SYT14: variants seen among roughly 807,000 people sequenced by gnomAD.
SYT14 encodes synaptotagmin-14.
A neutral mutation model predicts 74.2 loss-of-function variants in SYT14; 32 were observed. The observed-to-expected ratio is 0.43, with a 90% CI of 0.33 to 0.58. The LOEUF is 0.58. Ranked by LOEUF, SYT14 falls within the 20% of genes least tolerant of loss-of-function variation. SYT14 has a pLI of 0.05. For synonymous variants in SYT14, 298 were observed against 337.7 expected (o/e 0.88, Z 1.29); for missense variants, 791 against 981.8 (o/e 0.81, Z 2.60).
chr1:209,993,718 T>G (rs1345289151), intron 2 of SYT14, among the ~76,000 whole-genome samples: 1 of 151,638 alleles, frequency 6.6e-6, no homozygotes, highest in Non-Finnish European at 1.5e-5. Context: ...TGGAGGGAGC[T>G]CCCCCAAGTG....
At chr1:210,002,258 C>A (rs1028458546) in intron 2 of SYT14, among the ~76,000 whole-genome samples, 3 of 152,018 alleles carry the variant, frequency 2.0e-5, no homozygotes, top group African/African-American at 7.2e-5. Context: ...CAAAAGCCCC[C>A]GTGCACTCTT....
intron 7 of SYT14, among the ~76,000 whole-genome samples, chr1:210,145,170 A>G (rs1032250829): frequency 1.3e-5 from 2 of 152,174 alleles, no homozygotes; most frequent in East Asian, 1.9e-4. Flanking sequence ...TTTTAAGTCT[A>G]TGTTTTGCTA....
At chr1:209,972,263 A>ATC (rs778782637) in intron 2 of SYT14, among the ~76,000 whole-genome samples, 6 of 151,358 alleles carry the variant, frequency 4.0e-5, no homozygotes, top group African/African-American at 1.2e-4. Context: ...TTCTTTTTTA[A>ATC]TCTAGTGGCC....
exon 10 of SYT14, chr1:210,165,397 G>A (rs1264342003): frequency 6.6e-6 from 1 of 152,100 alleles, no homozygotes; most frequent in Non-Finnish European, 1.5e-5. Context: ...GTGTCATTTT[G>A]TAGATGACTT....
intron 5 of SYT14, among the ~76,000 whole-genome samples, chr1:210,052,666 A>AAAAAAAAAAAAAAG (rs2081022506): frequency 1.1e-5 from 1 of 90,630 alleles, no homozygotes; most frequent in Non-Finnish European, 1.9e-5. Context: ...ACATCTCACC[A>AAAAAAAAAAAAAAG]AAAAAAAAAA....
intron 7 of SYT14, among the ~76,000 whole-genome samples, chr1:210,126,468 T>C (rs2082573152): frequency 6.6e-6 from 1 of 152,196 alleles, no homozygotes; most frequent in Admixed American, 6.5e-5. Flanking sequence ...TTCTATACTT[T>C]ATCATTATAT....
intron 1 of SYT14, among the ~76,000 whole-genome samples, chr1:209,948,952 A>G (rs1471931827): frequency 6.6e-6 from 1 of 152,136 alleles, no homozygotes; most frequent in Admixed American, 6.5e-5. Context: ...TGGCTAAGTG[A>G]CCAAGTAAGC....
intron 5 of SYT14, among the ~76,000 whole-genome samples, chr1:210,088,618 A>C (rs1355587493): frequency 6.6e-6 from 1 of 152,118 alleles, no homozygotes; most frequent in Non-Finnish European, 1.5e-5. Context: ...GGATAAAGAA[A>C]ATGTGGCACA....
intron 5 of SYT14, among the ~76,000 whole-genome samples, chr1:210,063,825 T>G (rs553116606): frequency 6.6e-6 from 1 of 151,832 alleles, no homozygotes; most frequent in Non-Finnish European, 1.5e-5. Flanking sequence ...TCTTAAACAC[T>G]CCTAGGTTTC....
chr1:209,993,576 A>G (rs2079732448), intron 2 of SYT14, among the ~76,000 whole-genome samples: 1 of 152,196 alleles, frequency 6.6e-6, no homozygotes. Flanking sequence ...GGTGGGAACC[A>G]GACATGCATT....
chr1:209,986,544 T>C (rs1572115191), intron 2 of SYT14, among the ~76,000 whole-genome samples: 4 of 150,868 alleles, frequency 2.7e-5, no homozygotes, highest in Non-Finnish European at 5.9e-5. Context: ...ACCCAGGAGG[T>C]GGAGCTTGCA....
intron 7 of SYT14, among the ~76,000 whole-genome samples, chr1:210,153,386 A>G (rs1424589558): frequency 6.6e-6 from 1 of 152,196 alleles, no homozygotes; most frequent in Non-Finnish European, 1.5e-5. Flanking sequence ...TCTATGGATT[A>G]ATTTGGAAAG....
chr1:210,003,387 GT>G (rs2102886710), intron 2 of SYT14, among the ~76,000 whole-genome samples: 1 of 152,148 alleles, frequency 6.6e-6, no homozygotes, highest in South Asian at 2.1e-4. Flanking sequence ...TTTAATTACT[GT>G]TTCAGCTTTT....
chr1:209,949,148 A>T (rs992856985), intron 1 of SYT14, among the ~76,000 whole-genome samples: 1 of 152,222 alleles, frequency 6.6e-6, no homozygotes, highest in Non-Finnish European at 1.5e-5. Flanking sequence ...AAAGTTCAAC[A>T]TATCTCTAAC....
chr1:210,053,563 A>G (rs994579978), intron 5 of SYT14, among the ~76,000 whole-genome samples: 1 of 152,204 alleles, frequency 6.6e-6, no homozygotes, highest in African/African-American at 2.4e-5. Flanking sequence ...AGGCAGGAAG[A>G]TGAGTTAACT....
At chr1:210,092,302 A>T (rs763016345) in intron 5 of SYT14, among the ~76,000 whole-genome samples, 32 of 152,046 alleles carry the variant, frequency 2.1e-4, no homozygotes, top group Non-Finnish European at 4.3e-4. Context: ...TTGTCACTGT[A>T]TGGTCACAAG....
chr1:210,070,691 A>G (rs17015564), intron 5 of SYT14, among the ~76,000 whole-genome samples: 7,576 of 152,142 alleles, frequency 0.05, 1,041 homozygotes, highest in East Asian at 0.42. Context: ...AGACAGGTAC[A>G]CTTGGAGTTT....
rs139201859 is a variant in SYT14, at chr1:209,961,128, GCTTT to G, written c.-486+8379_-486+8382del. Among the ~76,000 whole-genome samples the G allele has an allele frequency of 3.3e-3, 506 of 152,192 alleles. 6 individuals carry two copies. Among genetic ancestry groups the G allele is most frequent in the African/African-American group, 0.012 (491 of 41,524 alleles). On this transcript the variant is annotated intron_variant, in intron 2 of 9. Transcript: ENST00000637265. ...CTTTTTGCTGGGTAGACAGATTTGT[GCTTT>G]CTTTCTCTTCCCCCTCAAGTGCATC...
At chr1:210,123,722 A>G (rs1305270872) in intron 7 of SYT14, among the ~76,000 whole-genome samples, 1 of 152,194 alleles carries the variant, frequency 6.6e-6, no homozygotes, top group Non-Finnish European at 1.5e-5. Flanking sequence ...TTTTTGGGGA[A>G]TGTATTCTTA....
Sources: gnomAD v4.1 joint callset for allele counts (sites outside exome capture counted in the v4.1 genomes callset) on GRCh38, gnomAD v4.1.1 for gene constraint, MANE v1.5 for transcripts, NCBI Gene and HGNC (gene_info 2026-07-23, HGNC 2026-07-21) for gene names.